The following SORCS2 variants were observed in gnomAD, a reference collection of about 807,000 sequenced individuals.
The protein encoded by SORCS2 is sortilin related VPS10 domain containing receptor 2.
In SORCS2, 100 loss-of-function variants were observed where a neutral mutation model predicts 141.6. That is an observed-to-expected ratio of 0.71 (90% CI 0.60 to 0.83). The LOEUF (loss-of-function observed/expected upper bound fraction) is 0.83. Among genes scored for constraint, SORCS2 ranks in the 40% least tolerant of loss-of-function variants. The pLI, the probability that SORCS2 is intolerant of heterozygous loss-of-function variation, is 0.00. For synonymous variants in SORCS2, 789 were observed against 676.9 expected (o/e 1.17, Z -2.57); for missense variants, 1,646 against 1,560.2 (o/e 1.05, Z -0.93).
At chr4:7,593,536 C>T (rs1219345184) in intron 3 of SORCS2, among the ~76,000 whole-genome samples, 1 of 152,168 alleles carries the variant, frequency 6.6e-6, no homozygotes, top group Non-Finnish European at 1.5e-5. Context: ...CCTGTCCCCA[C>T]ACTCTCATGT....
chr4:7,205,774 G>A (rs890230794), intron 1 of SORCS2, among the ~76,000 whole-genome samples: 1 of 152,246 alleles, frequency 6.6e-6, no homozygotes, highest in Admixed American at 6.5e-5. Context: ...CGGACGCGGT[G>A]GCTCACGCCC....
chr4:7,559,483 T>C (rs986272782), intron 3 of SORCS2, among the ~76,000 whole-genome samples: 1 of 152,098 alleles, frequency 6.6e-6, no homozygotes, highest in African/African-American at 2.4e-5. Context: ...TGGGTGTGTG[T>C]TCTTGGACAG....
At chr4:7,429,785 C>T (rs755046168) in intron 2 of SORCS2, among the ~76,000 whole-genome samples, 34 of 152,324 alleles carry the variant, frequency 2.2e-4, no homozygotes, top group African/African-American at 5.5e-4. Context: ...AGAGAACACA[C>T]GCCCTGAGCC....
At chr4:7,636,492 G>C (rs62289057) in intron 3 of SORCS2, among the ~76,000 whole-genome samples, 4,785 of 152,242 alleles carry the variant, frequency 0.031, 182 homozygotes, top group African/African-American at 0.089. Context: ...TTCCATGGCT[G>C]TGCGACCTCA....
rs1712519229 is a variant in SORCS2 at position 7,739,933 on chromosome 4, T to G, written c.3416-267T>G. The stretch of plus-strand genomic sequence containing the variant: ...CGGGGGCGATCCCCACGCAGGTCAG[T>G]GGCTGTGGCGGGTTGGGGCCGGCCT... On this transcript the variant is annotated intron_variant, in intron 26 of 26. Transcript: ENST00000507866. Among the ~76,000 whole-genome samples the G allele has an allele frequency of 2.6e-5, 4 of 152,286 alleles. No individual in the cohort carries two copies. The South Asian group carries it at 6.2e-4, about 24-fold the overall frequency.
intron 1 of SORCS2, among the ~76,000 whole-genome samples, chr4:7,369,346 T>C (rs1478448391): frequency 6.6e-6 from 1 of 152,138 alleles, no homozygotes; most frequent in Non-Finnish European, 1.5e-5. Context: ...AAAACCTCTT[T>C]CTTTTATAGA....
At chr4:7,270,602 G>A (rs972425397) in intron 1 of SORCS2, among the ~76,000 whole-genome samples, 1 of 152,172 alleles carries the variant, frequency 6.6e-6, no homozygotes, top group Admixed American at 6.5e-5. Context: ...TAAGAAGATT[G>A]TTGCTTAGAA....
rs894878429 is a variant in SORCS2, at chr4:7,233,815, C to T, written c.480+40689C>T. Among the ~76,000 whole-genome samples, 1 of 152,136 alleles carries T rather than the reference C, an allele frequency of 6.6e-6. No homozygotes were observed. Among genetic ancestry groups the T allele is most frequent in the Non-Finnish European group, 1.5e-5 (1 of 68,014 alleles). On this transcript the variant is annotated intron_variant, in intron 1 of 26. Transcript: ENST00000507866. The surrounding 1 kb of genome is among the most constrained non-coding windows in gnomAD (Gnocchi z 4.5). ...GTTTTCCTGTCTGTAAAATGGGTGC[C>T]GTGGTGCAAACATCAGAGGGTGGTG...
At chr4:7,445,538 C>T (rs1417194864) in intron 2 of SORCS2, among the ~76,000 whole-genome samples, 1 of 152,066 alleles carries the variant, frequency 6.6e-6, no homozygotes, top group East Asian at 1.9e-4. Context: ...TGGAGCGGGG[C>T]CGAGGGGAAG....
intron 3 of SORCS2, among the ~76,000 whole-genome samples, chr4:7,606,037 G>C (rs896210240): frequency 6.6e-6 from 1 of 152,206 alleles, no homozygotes; most frequent in African/African-American, 2.4e-5. Flanking sequence ...ACCACGTCAG[G>C]GAGAGGTGCT....
At position 7,234,242 on chromosome 4, in the gene SORCS2, C is replaced by T. The variant is rs113500662; in HGVS notation, c.480+41116C>T. On this transcript the variant is annotated intron_variant, in intron 1 of 26. Transcript: ENST00000507866. ...GTGCTGGGTCTGAGCTGCCTGGGGC[C>T]GAGAATAGTAGCGTGGGCTTTGCAG... 1.5e-3 allele frequency among the ~76,000 whole-genome samples: 227 copies of T among 152,300 alleles called. 2 individuals carry two copies. The highest frequency in any genetic ancestry group is 5.1e-3 in the African/African-American group (210 of 41,568).
intron 1 of SORCS2, among the ~76,000 whole-genome samples, chr4:7,229,961 A>G (rs1258813364): frequency 6.9e-6 from 1 of 145,542 alleles, no homozygotes; most frequent in East Asian, 2.1e-4. Flanking sequence ...GTGCTCATGT[A>G]TGAAGGAGAT....
At chr4:7,378,819 C>G (rs1577469773) in intron 1 of SORCS2, among the ~76,000 whole-genome samples, 1 of 152,206 alleles carries the variant, frequency 6.6e-6, no homozygotes, top group Non-Finnish European at 1.5e-5. Flanking sequence ...TATCCCAAGT[C>G]TGCCCGCATC....
At chr4:7,600,068 C>T (rs1158899130) in intron 3 of SORCS2, among the ~76,000 whole-genome samples, 1 of 152,054 alleles carries the variant, frequency 6.6e-6, no homozygotes, top group South Asian at 2.1e-4. Flanking sequence ...GTGATCCACC[C>T]ACCTTGGCCT....
rs1721199871 is a variant in SORCS2 at position 7,648,155 on chromosome 4, G to C, written c.814-5979G>C. Among the ~76,000 whole-genome samples the C allele has an allele frequency of 1.3e-5, 2 of 151,492 alleles. No individual in the cohort carries two copies. Among genetic ancestry groups the C allele is most frequent in the Admixed American group, 1.3e-4 (2 of 15,160 alleles). On this transcript the variant is annotated intron_variant, in intron 4 of 26. Coordinates refer to ENST00000507866, the MANE Select transcript of SORCS2 (RefSeq NM_020777.3). This position sits in a 1 kb window ranked among gnomAD's most constrained non-coding sequence, Gnocchi z 4.2. ...TTGTGGTTGCAGGACCTGGTGGATG[G>C]TGGGAAGGAGGGAGGCCATTTACTG... is the stretch of plus-strand genomic sequence containing the variant.
In SORCS2 at chr4:7,703,352, A is replaced by C. The variant is rs746852031; in HGVS notation, c.1741A>C (p.Ile581Leu). The C allele has an allele frequency of 6.2e-7, 1 of 1,613,282 alleles. No homozygotes were observed. The highest frequency in any genetic ancestry group is 1.1e-5 in the South Asian group (1 of 90,882). ...GVIVAIKDTS[I>L]PLKILKFSVD... ...GATCGTGGCCATCAAAGACACCTCC[A>C]TCCCTTTGAAGATCCTCAAGTAATG... Residue 581 changes from isoleucine (I) to leucine (L), a missense_variant, in exon 13 of 27, where the codon ATC becomes CTC. Ile to Leu is a conservative substitution (Grantham distance 5, BLOSUM62 2). Coordinates refer to ENST00000507866, the MANE Select transcript of SORCS2 (RefSeq NM_020777.3).
In SORCS2 at chr4:7,469,722, T is replaced by C. The variant is rs540870117; in HGVS notation, c.549-61808T>C. Among the ~76,000 whole-genome samples the C allele has an allele frequency of 9.8e-5, 15 of 152,318 alleles. No individual in the cohort carries two copies. In the South Asian group the frequency reaches 3.1e-3, roughly 32 times the overall value. On this transcript the variant is annotated intron_variant, in intron 2 of 26. Transcript: ENST00000507866. Reference sequence around the variant, plus strand: ...AAATTGGATTGGAGTGGAGCTCCTGTGTCTGCTTAAAAAGCTCCCCAGGTG... The same window carrying C: ...AAATTGGATTGGAGTGGAGCTCCTGCGTCTGCTTAAAAAGCTCCCCAGGTG...
In SORCS2 at chr4:7,532,256, C is replaced by T. The variant is rs1005290404; in HGVS notation, c.648+627C>T. Among the ~76,000 whole-genome samples, 17 of 152,202 alleles carry T rather than the reference C, an allele frequency of 1.1e-4. 1 individual carries two copies. The highest frequency in any genetic ancestry group is 4.1e-4 in the African/African-American group (17 of 41,446). On this transcript the variant is annotated intron_variant, in intron 3 of 26. Transcript: ENST00000507866. ...GCAGAGGCACCAGGGCAAAGCTGTC[C>T]TGTGAACCTGACTCCATTCAGCAAA... is the stretch of plus-strand genomic sequence containing the variant.
At chr4:7,532,013 T>C (rs1178339106) in intron 3 of SORCS2, among the ~76,000 whole-genome samples, 1 of 152,194 alleles carries the variant, frequency 6.6e-6, no homozygotes, top group Admixed American at 6.5e-5. Flanking sequence ...CTTCGGAAGT[T>C]AGTTGTTGAT....
Sources: gnomAD v4.1 joint callset for allele counts (sites outside exome capture counted in the v4.1 genomes callset) on GRCh38, gnomAD v4.1.1 for gene constraint, Gnocchi (gnomAD v3.1) non-coding constraint, MANE v1.5 for transcripts, NCBI Gene and HGNC (gene_info 2026-07-23, HGNC 2026-07-21) for gene names.